Variants in ZC3H12B observed in about 807,000 individuals in gnomAD.
ZC3H12B encodes probable ribonuclease ZC3H12B.
ZC3H12B carries 7 observed loss-of-function variants against 43.9 expected under a neutral mutation model. That is an observed-to-expected ratio of 0.16 (90% CI 0.09 to 0.30). ZC3H12B has a LOEUF of 0.30. ZC3H12B is among the 10% of genes least tolerant of loss of function. The probability of loss-of-function intolerance (pLI) is 1.00; values close to 1 mark genes in which losing one functional copy is unlikely to be tolerated. For missense variants in ZC3H12B, 475 were observed against 670.2 expected (o/e 0.71, Z 3.22); for synonymous variants, 222 against 241.7 (o/e 0.92, Z 0.76).
chrX:65,433,689 C>A (rs2067188999), intron 3 of ZC3H12B, among the ~76,000 whole-genome samples: 1 of 112,105 alleles, frequency 8.9e-6, no homozygotes, highest in African/African-American at 3.2e-5. Flanking sequence ...TGATTATTTT[C>A]TTTTACCCAA....
chrX:65,079,287 G>A, the ZC3H12B span, among the ~76,000 whole-genome samples: 3 of 112,825 alleles, frequency 2.7e-5, no homozygotes, highest in East Asian at 2.8e-4. Context: ...CCTGGGACCC[G>A]AGGGACCTCA....
intron 2 of ZC3H12B, among the ~76,000 whole-genome samples, chrX:65,378,023 TG>T (rs1415322378): frequency 1.8e-5 from 2 of 109,959 alleles, no homozygotes; most frequent in East Asian, 2.9e-4. Context: ...GGCATGAACC[TG>T]GGGGGTGAAG....
intron 3 of ZC3H12B, among the ~76,000 whole-genome samples, chrX:65,436,348 T>A (rs1046566398): frequency 1.8e-5 from 2 of 112,379 alleles, no homozygotes; most frequent in African/African-American, 6.5e-5. Context: ...AGGCCCAATG[T>A]CCAAAGGTAG....
At chrX:65,289,006 A>G in the ZC3H12B span, among the ~76,000 whole-genome samples, 1 of 111,398 alleles carries the variant, frequency 9.0e-6, no homozygotes, top group Non-Finnish European at 1.9e-5. Flanking sequence ...TACAAAAAGA[A>G]AAAAATACTT....
At chrX:65,427,036 A>T (rs999322450) in intron 3 of ZC3H12B, among the ~76,000 whole-genome samples, 7 of 111,699 alleles carry the variant, frequency 6.3e-5, no homozygotes, top group Admixed American at 4.8e-4. Context: ...TGTCTCGATG[A>T]TCTGTCTAAT....
the ZC3H12B span, among the ~76,000 whole-genome samples, chrX:65,361,285 A>G: frequency 8.9e-6 from 1 of 111,994 alleles, no homozygotes; most frequent in Non-Finnish European, 1.9e-5. Context: ...AGGGGTGACA[A>G]GAATATCATC....
At chrX:65,118,505 C>T in the ZC3H12B span, among the ~76,000 whole-genome samples, 3 of 111,171 alleles carry the variant, frequency 2.7e-5, no homozygotes, top group African/African-American at 3.3e-5. Context: ...ATGTCATCTG[C>T]AAACAGGGAC....
the ZC3H12B span, among the ~76,000 whole-genome samples, chrX:65,193,331 G>A: frequency 9.0e-6 from 1 of 110,988 alleles, no homozygotes; most frequent in Non-Finnish European, 1.9e-5. Flanking sequence ...TTGTTAGTCT[G>A]TTCAGTTTTG....
the ZC3H12B span, among the ~76,000 whole-genome samples, chrX:65,089,441 A>T: frequency 8.9e-6 from 1 of 112,062 alleles, no homozygotes; most frequent in Non-Finnish European, 1.9e-5. Context: ...GATACCTACC[A>T]TGAATGGAGC....
At chrX:65,345,447 C>A in the ZC3H12B span, among the ~76,000 whole-genome samples, 4 of 111,575 alleles carry the variant, frequency 3.6e-5, no homozygotes, top group Admixed American at 3.8e-4. Flanking sequence ...TACACAGAAA[C>A]AGAAAACCAA....
At chrX:65,443,440 G>A (rs1169822961) in intron 3 of ZC3H12B, among the ~76,000 whole-genome samples, 2 of 111,751 alleles carry the variant, frequency 1.8e-5, no homozygotes, top group African/African-American at 6.5e-5. Flanking sequence ...ATATAGAGGT[G>A]TGAAGTGGGA....
At chrX:65,139,438 G>A in the ZC3H12B span, among the ~76,000 whole-genome samples, 14 of 111,139 alleles carry the variant, frequency 1.3e-4, no homozygotes, top group African/African-American at 4.6e-4. Context: ...TTCTGTATTG[G>A]CCTATATGTC....
chrX:65,321,747 A>G, the ZC3H12B span, among the ~76,000 whole-genome samples: 1 of 110,792 alleles, frequency 9.0e-6, no homozygotes, highest in Non-Finnish European at 1.9e-5. Context: ...TTGCAGGGAC[A>G]TGGATGGAGC....
At chrX:65,401,980 T>C (rs759062875) in intron 3 of ZC3H12B, among the ~76,000 whole-genome samples, 11 of 111,794 alleles carry the variant, frequency 9.8e-5, no homozygotes, top group Admixed American at 9.4e-4. Context: ...TCAGCATGAC[T>C]ATAGGAGGAT....
the ZC3H12B span, among the ~76,000 whole-genome samples, chrX:65,306,684 A>C: frequency 8.9e-6 from 1 of 112,055 alleles, no homozygotes; most frequent in Non-Finnish European, 1.9e-5. Context: ...TCAATCTTAA[A>C]TATTTAACTA....
the ZC3H12B span, among the ~76,000 whole-genome samples, chrX:65,158,981 T>G: frequency 8.9e-6 from 1 of 112,144 alleles, no homozygotes; most frequent in Non-Finnish European, 1.9e-5. Flanking sequence ...AGTTTCACCT[T>G]TCTACATATG....
the ZC3H12B span, among the ~76,000 whole-genome samples, chrX:65,188,359 T>A: frequency 1.7e-5 from 1 of 58,135 alleles, no homozygotes; most frequent in Non-Finnish European, 3.0e-5. Context: ...GGTTGCTCTA[T>A]TTTTTTTTTT....
the ZC3H12B span, among the ~76,000 whole-genome samples, chrX:65,050,083 T>G: frequency 9.0e-6 from 1 of 111,399 alleles, no homozygotes; most frequent in African/African-American, 3.2e-5. Flanking sequence ...ATGTACATAT[T>G]TTGAATTTTC....
the ZC3H12B span, among the ~76,000 whole-genome samples, chrX:65,329,205 C>T: frequency 9.0e-6 from 1 of 111,359 alleles, no homozygotes; most frequent in African/African-American, 3.3e-5. Flanking sequence ...TCCTCTCCAG[C>T]ACCTGTTCTT....
Sources: allele counts gnomAD v4.1 joint callset (sites outside exome capture counted in the v4.1 genomes callset), GRCh38; gene constraint gnomAD v4.1.1; transcripts MANE v1.5; gene names NCBI Gene and HGNC (gene_info 2026-07-23, HGNC 2026-07-21).